HCN1: variants seen among roughly 807,000 people sequenced by gnomAD.
HCN1 encodes the protein potassium/sodium hyperpolarization-activated cyclic nucleotide-gated channel 1.
Under a neutral mutation model 78.9 loss-of-function variants are expected in HCN1, and 13 were observed. The ratio of observed to expected loss-of-function variants is 0.16; its 90% confidence interval spans 0.11 to 0.26. The LOEUF (loss-of-function observed/expected upper bound fraction) is 0.26, where lower values mean the gene tolerates loss of function less well. Among genes scored for constraint, HCN1 ranks in the 10% least tolerant of loss-of-function variants. The probability of loss-of-function intolerance (pLI) is 1.00; values close to 1 mark genes in which losing one functional copy is unlikely to be tolerated. For missense variants in HCN1, 810 were observed against 1,154.3 expected (o/e 0.70, Z 4.32); for synonymous variants, 552 against 455.5 (o/e 1.21, Z -2.70).
intron 6 of HCN1, among the ~76,000 whole-genome samples, chr5:45,276,399 T>G (rs1745059324): frequency 6.6e-6 from 1 of 152,118 alleles, no homozygotes; most frequent in Non-Finnish European, 1.5e-5. Context: ...TTAGTAAGTC[T>G]GGAGTGGGAT....
intron 1 of HCN1, among the ~76,000 whole-genome samples, chr5:45,678,578 C>T (rs551587737): frequency 2.0e-5 from 3 of 152,052 alleles, no homozygotes; most frequent in African/African-American, 7.2e-5. Context: ...CCAATGACTT[C>T]ATCGTGAGTA....
chr5:45,498,268 G>A (rs1302489127), intron 2 of HCN1, among the ~76,000 whole-genome samples: 1 of 152,040 alleles, frequency 6.6e-6, no homozygotes, highest in Non-Finnish European at 1.5e-5. Context: ...CATATTTCTT[G>A]GAGGCTTTGC....
intron 5 of HCN1, among the ~76,000 whole-genome samples, chr5:45,350,626 C>A (rs1579831781): frequency 6.6e-6 from 1 of 151,254 alleles, no homozygotes; most frequent in South Asian, 2.1e-4. Context: ...CTAGAAAACC[C>A]CATTGTCTCA....
intron 4 of HCN1, among the ~76,000 whole-genome samples, chr5:45,364,964 C>G (rs914469439): frequency 6.6e-6 from 1 of 151,994 alleles, no homozygotes; most frequent in East Asian, 1.9e-4. Flanking sequence ...TCTTTTCACA[C>G]TATTATAATT....
At chr5:45,484,327 T>C (rs547600766) in intron 2 of HCN1, among the ~76,000 whole-genome samples, 2 of 152,064 alleles carry the variant, frequency 1.3e-5, no homozygotes, top group East Asian at 3.9e-4. Context: ...CCCAGCTACT[T>C]GGAGGCTGGG....
chr5:45,562,733 C>A (rs1477536181), intron 2 of HCN1, among the ~76,000 whole-genome samples: 3 of 152,140 alleles, frequency 2.0e-5, no homozygotes, highest in Non-Finnish European at 4.4e-5. Context: ...AGAATTGCCA[C>A]TTTTTCTTTC....
chr5:45,323,739 G>A (rs958869701), intron 5 of HCN1, among the ~76,000 whole-genome samples: 9 of 151,460 alleles, frequency 5.9e-5, no homozygotes, highest in African/African-American at 9.7e-5. Context: ...CGACAGGCCC[G>A]GTGTGTGATG....
chr5:45,515,241 T>C (rs865992308), intron 2 of HCN1, among the ~76,000 whole-genome samples: 11 of 151,976 alleles, frequency 7.2e-5, no homozygotes, highest in African/African-American at 2.4e-4. Flanking sequence ...TTTTTTCTTA[T>C]AGATAACCAA....
At chr5:45,330,787 C>G (rs1417419999) in intron 5 of HCN1, among the ~76,000 whole-genome samples, 1 of 150,772 alleles carries the variant, frequency 6.6e-6, no homozygotes, top group Non-Finnish European at 1.5e-5. Context: ...CTAATGCATA[C>G]TCATTCATTT....
intron 5 of HCN1, among the ~76,000 whole-genome samples, chr5:45,325,762 C>T (rs1746222939): frequency 6.6e-6 from 1 of 151,518 alleles, no homozygotes; most frequent in Admixed American, 6.6e-5. Context: ...AGTTCAGCAC[C>T]TGCTTCAATG....
chr5:45,385,579 A>G (rs942905157), intron 4 of HCN1, among the ~76,000 whole-genome samples: 10 of 152,054 alleles, frequency 6.6e-5, no homozygotes, highest in African/African-American at 2.4e-4. Context: ...TCTATTGTGA[A>G]TTTTCTGAAA....
chr5:45,470,962 A>G (rs1741378929), intron 2 of HCN1, among the ~76,000 whole-genome samples: 1 of 151,840 alleles, frequency 6.6e-6, no homozygotes. Flanking sequence ...CTCAGTTTAT[A>G]GTTTTATTTA....
At chr5:45,584,520 C>A (rs989576883) in intron 2 of HCN1, among the ~76,000 whole-genome samples, 6 of 151,766 alleles carry the variant, frequency 4.0e-5, no homozygotes, top group African/African-American at 1.4e-4. Flanking sequence ...GAGCGTTTAG[C>A]CCATTTACAT....
intron 2 of HCN1, among the ~76,000 whole-genome samples, chr5:45,598,134 C>G (rs1428010157): frequency 6.6e-6 from 1 of 152,140 alleles, no homozygotes. Flanking sequence ...AAGAACAAAG[C>G]TGGAGGCATG....
At chr5:45,523,804 G>A (rs1188989849) in intron 2 of HCN1, among the ~76,000 whole-genome samples, 5 of 152,088 alleles carry the variant, frequency 3.3e-5, no homozygotes, top group African/African-American at 7.2e-5. Flanking sequence ...CTCCCATTTT[G>A]TAGGTTGCCT....
chr5:45,533,823 A>G (rs1436890424), intron 2 of HCN1, among the ~76,000 whole-genome samples: 2 of 152,122 alleles, frequency 1.3e-5, no homozygotes, highest in African/African-American at 4.8e-5. Flanking sequence ...TGTAAACTAC[A>G]CAATTCCTAG....
At chr5:45,438,475 C>T (rs1740603820) in intron 3 of HCN1, among the ~76,000 whole-genome samples, 1 of 151,790 alleles carries the variant, frequency 6.6e-6, no homozygotes, top group Admixed American at 6.6e-5. Flanking sequence ...CCTGTAGTCC[C>T]AGCTACTTGG....
intron 2 of HCN1, among the ~76,000 whole-genome samples, chr5:45,604,874 A>C (rs1017747529): frequency 6.6e-6 from 1 of 152,108 alleles, no homozygotes; most frequent in African/African-American, 2.4e-5. Context: ...GACCGCATCT[A>C]AACAGTGATT....
intron 6 of HCN1, among the ~76,000 whole-genome samples, chr5:45,286,861 A>T (rs1745278617): frequency 6.6e-6 from 1 of 151,984 alleles, no homozygotes; most frequent in Non-Finnish European, 1.5e-5. Context: ...TACACTGAAA[A>T]ATTGGTGATG....
Sources: allele counts gnomAD v4.1 joint callset (sites outside exome capture counted in the v4.1 genomes callset), GRCh38; gene constraint gnomAD v4.1.1; transcripts MANE v1.5; gene names NCBI Gene and HGNC (gene_info 2026-07-23, HGNC 2026-07-21).